Variants in CLHC1 observed in about 807,000 individuals in gnomAD.
CLHC1 encodes clathrin heavy chain linker domain containing 1, also known as clathrin heavy chain linker domain-containing protein 1.
A neutral mutation model predicts 69.5 loss-of-function variants in CLHC1; 72 were observed. The observed-to-expected ratio is 1.04, with a 90% CI of 0.86 to 1.26. The LOEUF (loss-of-function observed/expected upper bound fraction) is 1.26. Ranked by LOEUF, CLHC1 falls within the 50% of genes most tolerant of loss-of-function variation. The pLI is 0.00. For synonymous variants in CLHC1, 223 were observed against 224.3 expected (o/e 0.99, Z 0.05); for missense variants, 790 against 679.3 (o/e 1.16, Z -1.81).
Position 55,209,503 on chromosome 2 carries a change from G to A in CLHC1, c.715C>T (p.Gln239Ter). ...KKLQFCHQRL[Q>*]IISQALSSWV... ...GAACTAAGTGCCTGTGAAATTATCT[G>A]CAGTCTTTGATGACTAAAAAGATAA... The change falls in exon 7 of 13, where the codon CAG (glutamine) becomes TAG (stop). Residue 239 changes from glutamine (Q) to a stop codon, truncating the protein, a stop_gained. Coordinates refer to ENST00000401408, the MANE Select transcript of CLHC1 (RefSeq NM_152385.4). LOFTEE classifies it high-confidence loss of function. The A allele has an allele frequency of 1.9e-6, 3 of 1,608,172 alleles. No individual in the cohort carries two copies. The highest frequency in any genetic ancestry group is 1.7e-4 in the Middle Eastern group (1 of 6,044).
chr2:55,210,840 C>G (rs891236007), intron 5 of CLHC1, among the ~76,000 whole-genome samples: 7 of 151,970 alleles, frequency 4.6e-5, no homozygotes, highest in Non-Finnish European at 1.5e-5. Flanking sequence ...TCTTCAAATG[C>G]CTTTAAAAAA....
Position 55,209,795 on chromosome 2 carries a change from A to C in CLHC1, c.536T>G (p.Leu179Arg). The change falls in exon 6 of 13, where the codon CTC becomes CGC. Residue 179 changes from leucine (L) to arginine (R), a missense_variant. By Grantham distance (102) the Leu-to-Arg change is moderately radical (BLOSUM62 -2). Coordinates refer to ENST00000401408, the MANE Select transcript of CLHC1 (RefSeq NM_152385.4). ...TLQESMNLDA[L>R]TKYMKHLEDK... ...TTCAAGATGTTTCATGTATTTAGTG[A>C]GAGCATCTAGATTCATGGATTCTTG... The C allele has an allele frequency of 6.2e-7, 1 of 1,610,506 alleles. No homozygotes were observed. The highest frequency in any genetic ancestry group is 8.5e-7 in the Non-Finnish European group (1 of 1,177,700).
At chr2:55,208,774 C>T in intron 7 of CLHC1, 64 bp from the exon 8 acceptor site, 4 of 1,145,744 alleles carry the variant, frequency 3.5e-6, no homozygotes, top group Non-Finnish European at 5.2e-6. Context: ...AAACAATAAA[C>T]ATACATGTGT....
chr2:55,199,296 C>CAAAAAAAAA (rs57570449), intron 9 of CLHC1, among the ~76,000 whole-genome samples: 5 of 70,958 alleles, frequency 7.0e-5, no homozygotes, highest in African/African-American at 1.8e-4. Flanking sequence ...GACTCCATCT[C>CAAAAAAAAA]AAAAAAAAAA....
chr2:55,210,235 C>T (rs767361650), intron 5 of CLHC1, among the ~76,000 whole-genome samples: 10 of 151,612 alleles, frequency 6.6e-5, no homozygotes, highest in Non-Finnish European at 1.3e-4. Context: ...CGCACTCTGT[C>T]GCCCAGGCTG....
intron 3 of CLHC1, 68 bp from the exon 4 acceptor site, chr2:55,218,066 C>T: frequency 1.3e-6 from 1 of 761,704 alleles, no homozygotes; most frequent in South Asian, 2.8e-5. Context: ...GAAATTCTTG[C>T]AAATAACATT....
chr2:55,218,431 C>T (rs1390411945), intron 3 of CLHC1: 1 of 152,486 alleles, frequency 6.6e-6, no homozygotes, highest in Non-Finnish European at 1.5e-5. Context: ...TTTTCTAACC[C>T]ATCAGCTCCT....
In CLHC1 at chr2:55,175,976, T is replaced by C; in HGVS notation, c.1575A>G (p.Glu525=). 1 of 1,613,080 alleles carries C rather than the reference T, an allele frequency of 6.2e-7. No homozygotes were observed. The highest frequency in any genetic ancestry group is 1.3e-5 in the African/African-American group (1 of 75,032). The change falls in exon 13 of 13, where the codon GAA becomes GAG. Residue 525 remains glutamate, a synonymous_variant. Coordinates refer to ENST00000401408, the MANE Select transcript of CLHC1 (RefSeq NM_152385.4). The stretch of plus-strand genomic sequence containing the variant: ...AAAAGGAATCATTTATCATAAGACT[T>C]TCTACTGCATCTGTGGGGAAAAAAT... ...EINKGGIDAV[E]SLMINDSFCS...
chr2:55,177,252 G>T (rs1262142689), intron 12 of CLHC1, among the ~76,000 whole-genome samples: 1 of 152,006 alleles, frequency 6.6e-6, no homozygotes, highest in African/African-American at 2.4e-5. Context: ...TTTGGTTTAG[G>T]AATTAAAACA....
intron 4 of CLHC1, 88 bp downstream of exon 4, chr2:55,217,723 C>G (rs1673715251): frequency 1.3e-6 from 1 of 776,566 alleles, no homozygotes; most frequent in African/African-American, 1.8e-5. Flanking sequence ...TTCAATAAGA[C>G]TAAGAACCAC....
At position 55,174,362 on chromosome 2, in the gene CLHC1, C is replaced by T. The variant is rs1320498706; in HGVS notation, c.*1428G>A. On this transcript the variant is annotated 3_prime_UTR_variant, in exon 13 of 13. Coordinates refer to ENST00000401408, the MANE Select transcript of CLHC1 (RefSeq NM_152385.4). Reference sequence around the variant, plus strand: ...CAAGTGTGGACAGATAACTTAATCTCAGCAATAAGTTGTACCAATATATCA... The same window carrying T: ...CAAGTGTGGACAGATAACTTAATCTTAGCAATAAGTTGTACCAATATATCA... Among the ~76,000 whole-genome samples, 1 of 152,094 alleles carries T rather than the reference C, an allele frequency of 6.6e-6. No individual in the cohort carries two copies.
At chr2:55,207,240 T>C (rs892262022) in intron 8 of CLHC1, among the ~76,000 whole-genome samples, 1 of 152,148 alleles carries the variant, frequency 6.6e-6, no homozygotes, top group Admixed American at 6.5e-5. Flanking sequence ...AAGATAATAG[T>C]TAAGATAACT....
intron 2 of CLHC1, among the ~76,000 whole-genome samples, chr2:55,223,840 G>T (rs1385176293): frequency 6.6e-6 from 1 of 151,824 alleles, no homozygotes; most frequent in Non-Finnish European, 1.5e-5. Flanking sequence ...CTGCCGCCCA[G>T]GCTGGAGTGC....
Position 55,222,478 on chromosome 2 carries a change from CA to C in CLHC1, c.-68del, listed in dbSNP as rs1241219196. The C allele has an allele frequency of 7.9e-5, 96 of 1,222,040 alleles. No homozygotes were observed. In the Middle Eastern group the frequency reaches 9.8e-4, roughly 13 times the overall value. The allele number at this position is 1,222,040 out of a possible 1,614,324, so 75.7% of individuals were successfully genotyped here. ...TCTTGACCTGCTCTTGCAACAAAGC[CA>C]AAACTTTGATAAGCCTGAAAGAAAA... is the stretch of plus-strand genomic sequence containing the variant. On this transcript the variant is annotated 5_prime_UTR_variant, in exon 3 of 13. Coordinates refer to ENST00000401408, the MANE Select transcript of CLHC1 (RefSeq NM_152385.4).
chr2:55,194,130 G>A (rs1266880806), intron 9 of CLHC1, among the ~76,000 whole-genome samples: 2 of 151,904 alleles, frequency 1.3e-5, no homozygotes, highest in Non-Finnish European at 2.9e-5. Flanking sequence ...AAGAGGCCAG[G>A]GAATGAGGAG....
chr2:55,192,850 TA>T (rs1671056508), intron 9 of CLHC1, among the ~76,000 whole-genome samples: 1 of 150,372 alleles, frequency 6.7e-6, no homozygotes, highest in South Asian at 2.1e-4. Flanking sequence ...TCTGAATGTG[TA>T]AAACTCTTAG....
intron 10 of CLHC1, 59 bp downstream of exon 10, chr2:55,181,511 G>C (rs879194995): frequency 1.5e-6 from 2 of 1,298,380 alleles, no homozygotes; most frequent in South Asian, 2.7e-5. Context: ...AATATTTTTA[G>C]AACAAACAAC....
chr2:55,173,795 C>T lies in CLHC1; in HGVS notation c.*1995G>A, dbSNP rs1037417099. The stretch of plus-strand genomic sequence containing the variant: ...TATTCACTTGACAACTTTTACTTTC[C>T]TTGGGAAAGCTGCCAAAGGCAATGC... On this transcript the variant is annotated 3_prime_UTR_variant, in exon 13 of 13. Coordinates refer to ENST00000401408, the MANE Select transcript of CLHC1 (RefSeq NM_152385.4). Among the ~76,000 whole-genome samples the T allele has an allele frequency of 6.6e-6, 1 of 152,128 alleles. No individual in the cohort carries two copies. Among genetic ancestry groups the T allele is most frequent in the Non-Finnish European group, 1.5e-5 (1 of 68,022 alleles).
intron 9 of CLHC1, among the ~76,000 whole-genome samples, chr2:55,187,236 G>A (rs980282705): frequency 3.3e-5 from 5 of 151,202 alleles, no homozygotes; most frequent in South Asian, 2.1e-4. Flanking sequence ...CCGGGATCGC[G>A]CCATTGCACT....
Sources: gnomAD v4.1 joint callset for allele counts (sites outside exome capture counted in the v4.1 genomes callset) on GRCh38, gnomAD v4.1.1 for gene constraint, MANE v1.5 for transcripts, NCBI Gene and HGNC (gene_info 2026-07-23, HGNC 2026-07-21) for gene names.